The following DDX4 variants were observed in gnomAD, a reference collection of about 807,000 sequenced individuals.
DDX4 encodes DEAD-box helicase 4.
A neutral mutation model predicts 100.0 loss-of-function variants in DDX4; 25 were observed. The observed-to-expected ratio is 0.25, with a 90% CI of 0.18 to 0.35. The LOEUF (loss-of-function observed/expected upper bound fraction) is 0.35. Among genes scored for constraint, DDX4 ranks in the 10% least tolerant of loss-of-function variants. The pLI, the probability that DDX4 is intolerant of heterozygous loss-of-function variation, is 1.00. For synonymous variants in DDX4, 259 were observed against 275.7 expected (o/e 0.94, Z 0.60); for missense variants, 635 against 882.4 (o/e 0.72, Z 3.55).
intron 18 of DDX4, among the ~76,000 whole-genome samples, chr5:55,810,849 G>A (rs925396040): frequency 2.0e-5 from 3 of 152,154 alleles, no homozygotes; most frequent in African/African-American, 7.2e-5. Flanking sequence ...TATTTGATTA[G>A]TGTAGGATTC....
chr5:55,765,339 G>C (rs1025121322), intron 6 of DDX4, among the ~76,000 whole-genome samples: 1 of 146,468 alleles, frequency 6.8e-6, no homozygotes, highest in Non-Finnish European at 1.5e-5. Flanking sequence ...TCTCTCCGAA[G>C]TGGCCTGCTT....
In DDX4 at chr5:55,738,956, A is replaced by T. The variant is rs1162225388; in HGVS notation, c.-8A>T. The T allele has an allele frequency of 6.4e-7, 1 of 1,574,796 alleles. No individual in the cohort carries two copies. Among genetic ancestry groups the T allele is most frequent in the Non-Finnish European group, 8.7e-7 (1 of 1,147,174 alleles). On this transcript the variant is annotated 5_prime_UTR_variant, in exon 2 of 22. Transcript: ENST00000505374. ...TTTTTTTTTTTATGAATAGAACTTG[A>T]AGCCACCATGGGAGATGAAGATTGG...
chr5:55,773,302 A>G (rs1394507823), intron 7 of DDX4: 3 of 152,184 alleles, frequency 2.0e-5, no homozygotes, highest in Non-Finnish European at 4.4e-5. Flanking sequence ...CAGCTGATGA[A>G]TGTTTGAGTT....
At chr5:55,789,583 C>G (rs1309386085) in intron 15 of DDX4, among the ~76,000 whole-genome samples, 4 of 152,216 alleles carry the variant, frequency 2.6e-5, no homozygotes, top group Non-Finnish European at 4.4e-5. Flanking sequence ...CTGCCACATT[C>G]TCTTTGTAAG....
intron 18 of DDX4, among the ~76,000 whole-genome samples, chr5:55,799,060 A>T (rs75988330): frequency 6.6e-6 from 1 of 151,868 alleles, no homozygotes; most frequent in Non-Finnish European, 1.5e-5. Context: ...TACTCCCCCA[A>T]TCAATTTTTA....
At chr5:55,796,813 T>C (rs2112090887) in intron 17 of DDX4, among the ~76,000 whole-genome samples, 1 of 141,378 alleles carries the variant, frequency 7.1e-6, no homozygotes, top group East Asian at 2.1e-4. Flanking sequence ...TTTTCTTTTT[T>C]TCTTTCTTTC....
chr5:55,756,947 A>AGTGAATGTAAACTTTCACATTTACAT lies in DDX4; in HGVS notation c.128-3247_128-3222dup, dbSNP rs1398651564. 2.9e-3 allele frequency among the ~76,000 whole-genome samples: 437 copies of AGTGAATGTAAACTTTCACATTTACAT among 152,244 alleles called. 4 individuals are homozygous for AGTGAATGTAAACTTTCACATTTACAT. The highest frequency in any genetic ancestry group is 0.01 in the African/African-American group (418 of 41,558). ...GACAGCATATCATTACATTCATGAAAGTGAATGTAAACTTTCACATTTACA... is the reference window on the plus strand; with the variant it reads ...GACAGCATATCATTACATTCATGAAAGTGAATGTAAACTTTCACATTTACATGTGAATGTAAACTTTCACATTTACA... On this transcript the variant is annotated intron_variant, in intron 3 of 21. Transcript: ENST00000505374.
chr5:55,779,953 T>C lies in DDX4; in HGVS notation c.395-11T>C, dbSNP rs1452707808. ...TTTTGTGTTGTTCTTGTGTGTGTTT[T>C]AACATTATAGGCTATCGAGATGGAA... is the stretch of plus-strand genomic sequence containing the variant. On this transcript the variant is annotated splice_polypyrimidine_tract_variant and intron_variant, in intron 7 of 21. Coordinates refer to ENST00000505374, the MANE Select transcript of DDX4 (RefSeq NM_024415.3). 6.6e-5 allele frequency: 107 copies of C among 1,611,260 alleles called. No individual in the cohort carries two copies. The highest frequency in any genetic ancestry group is 8.9e-5 in the Non-Finnish European group (105 of 1,178,884).
intron 18 of DDX4, among the ~76,000 whole-genome samples, chr5:55,805,987 T>C (rs1337255213): frequency 6.6e-6 from 1 of 152,240 alleles, no homozygotes; most frequent in African/African-American, 2.4e-5. Flanking sequence ...TATTAATTAT[T>C]ACCTCAATTT....
At chr5:55,801,021 T>G (rs1464162865) in intron 18 of DDX4, among the ~76,000 whole-genome samples, 2 of 152,158 alleles carry the variant, frequency 1.3e-5, no homozygotes, top group African/African-American at 4.8e-5. Flanking sequence ...TCAAAGAGTT[T>G]ATTGAGCTCT....
chr5:55,790,092 C>G (rs887356353), intron 15 of DDX4, among the ~76,000 whole-genome samples: 1 of 150,528 alleles, frequency 6.6e-6, no homozygotes, highest in Non-Finnish European at 1.5e-5. Flanking sequence ...CCACCTGTTC[C>G]CCCAAAAGTA....
chr5:55,768,745 G>A (rs998169733), intron 7 of DDX4, among the ~76,000 whole-genome samples: 1 of 152,156 alleles, frequency 6.6e-6, no homozygotes, highest in East Asian at 1.9e-4. Context: ...ACTCCCACCA[G>A]CAGTGTATAG....
At chr5:55,755,930 T>C (rs1192965869) in intron 3 of DDX4, among the ~76,000 whole-genome samples, 1 of 152,122 alleles carries the variant, frequency 6.6e-6, no homozygotes, top group Non-Finnish European at 1.5e-5. Context: ...GAAGTGACTA[T>C]TATCCTGATT....
Position 55,776,960 on chromosome 5 carries a change from T to C in DDX4, c.395-3004T>C, listed in dbSNP as rs1316817555. ...TTAAAATACTAGCAAATGAAAAGACTGAAATTCTTGCCAGCTCAGTTGAAA... is the reference window on the plus strand; with the variant it reads ...TTAAAATACTAGCAAATGAAAAGACCGAAATTCTTGCCAGCTCAGTTGAAA... On this transcript the variant is annotated intron_variant, in intron 7 of 21. Coordinates refer to ENST00000505374, the MANE Select transcript of DDX4 (RefSeq NM_024415.3). Among the ~76,000 whole-genome samples, 3 of 152,158 alleles carry C rather than the reference T, an allele frequency of 2.0e-5. No individual in the cohort carries two copies. The East Asian group carries it at 5.8e-4, about 29-fold the overall frequency.
At chr5:55,770,227 C>A (rs951431953) in intron 7 of DDX4, among the ~76,000 whole-genome samples, 7 of 152,086 alleles carry the variant, frequency 4.6e-5, no homozygotes, top group Admixed American at 6.6e-5. Context: ...CCCCTATGAT[C>A]TCCAGAATGT....
chr5:55,798,372 A>G, intron 17 of DDX4, 54 bp from the exon 18 acceptor site: 1 of 1,577,864 alleles, frequency 6.3e-7, no homozygotes, highest in Non-Finnish European at 8.6e-7. Flanking sequence ...AGTGGATATT[A>G]TGGATACTGA....
At chr5:55,768,442 G>A (rs1174512361) in intron 7 of DDX4, among the ~76,000 whole-genome samples, 4 of 152,140 alleles carry the variant, frequency 2.6e-5, no homozygotes, top group Non-Finnish European at 5.9e-5. Flanking sequence ...TCATGTTCCT[G>A]CAAAGGACTT....
chr5:55,774,929 G>A (rs137999207), intron 7 of DDX4, among the ~76,000 whole-genome samples: 108 of 152,298 alleles, frequency 7.1e-4, no homozygotes, highest in African/African-American at 2.4e-3. Context: ...CTATTCTTAA[G>A]TGTATAATTT....
intron 17 of DDX4, among the ~76,000 whole-genome samples, chr5:55,797,049 G>C (rs1743009948): frequency 6.6e-6 from 1 of 151,536 alleles, no homozygotes; most frequent in Non-Finnish European, 1.5e-5. Context: ...TCACCATGTT[G>C]GCCAGAATGG....
Sources: gnomAD v4.1 joint callset for allele counts (sites outside exome capture counted in the v4.1 genomes callset) on GRCh38, gnomAD v4.1.1 for gene constraint, MANE v1.5 for transcripts, NCBI Gene and HGNC (gene_info 2026-07-23, HGNC 2026-07-21) for gene names.